Variants in GRID2 observed in about 807,000 individuals in gnomAD.
GRID2 encodes glutamate ionotropic receptor delta type subunit 2, also known as glutamate receptor ionotropic, delta-2.
A neutral mutation model predicts 114.8 loss-of-function variants in GRID2; 33 were observed. The observed-to-expected ratio is 0.29, with a 90% CI of 0.22 to 0.38. The LOEUF is 0.38. GRID2 is among the 10% of genes least tolerant of loss of function. GRID2 has a pLI of 1.00. For missense variants in GRID2, 1,184 were observed against 1,257.7 expected (o/e 0.94, Z 0.89); for synonymous variants, 505 against 449.9 (o/e 1.12, Z -1.55).
At chr4:93,104,302 A>AT (rs1335883543) in intron 3 of GRID2, among the ~76,000 whole-genome samples, 2 of 152,034 alleles carry the variant, frequency 1.3e-5, no homozygotes, top group South Asian at 2.1e-4. Flanking sequence ...TATTAATAGT[A>AT]TTTTTTATTT....
intron 2 of GRID2, among the ~76,000 whole-genome samples, chr4:92,779,461 A>G (rs771874135): frequency 1.7e-4 from 26 of 152,110 alleles, no homozygotes; most frequent in South Asian, 4.1e-4. Flanking sequence ...CAATTTAACT[A>G]AAAGAGCTTA....
At chr4:92,951,242 T>A (rs1009882980) in intron 2 of GRID2, among the ~76,000 whole-genome samples, 1 of 152,116 alleles carries the variant, frequency 6.6e-6, no homozygotes, top group Non-Finnish European at 1.5e-5. Flanking sequence ...GTTTTCTACT[T>A]ATTAAATATC....
At chr4:93,137,908 C>G (rs1201003125) in intron 4 of GRID2, among the ~76,000 whole-genome samples, 1 of 148,676 alleles carries the variant, frequency 6.7e-6, no homozygotes, top group South Asian at 2.2e-4. Flanking sequence ...TTTTGTAATT[C>G]ACATGAAGTT....
chr4:92,977,578 A>G (rs940056633), intron 2 of GRID2, among the ~76,000 whole-genome samples: 1 of 152,178 alleles, frequency 6.6e-6, no homozygotes, highest in African/African-American at 2.4e-5. Flanking sequence ...AGCATACATT[A>G]TCTGATTTGA....
At chr4:93,790,026 T>A (rs1734665582) in intron 1 of GRID2, among the ~76,000 whole-genome samples, 1 of 152,070 alleles carries the variant, frequency 6.6e-6, no homozygotes, top group Admixed American at 6.5e-5. Context: ...GAATCTCATG[T>A]CTGATGATCT....
intron 2 of GRID2, among the ~76,000 whole-genome samples, chr4:92,976,583 A>G (rs944048969): frequency 1.3e-5 from 2 of 152,126 alleles, no homozygotes; most frequent in Non-Finnish European, 2.9e-5. Flanking sequence ...CTGGCACACT[A>G]TTCCCACTTC....
intron 2 of GRID2, among the ~76,000 whole-genome samples, chr4:92,932,615 T>C (rs1440857159): frequency 1.3e-5 from 2 of 151,272 alleles, no homozygotes; most frequent in African/African-American, 4.8e-5. Flanking sequence ...CACAAAACTA[T>C]TCATATAGCA....
intron 2 of GRID2, among the ~76,000 whole-genome samples, chr4:92,619,664 T>C (rs1312204412): frequency 3.3e-5 from 5 of 151,754 alleles, no homozygotes; most frequent in Non-Finnish European, 7.4e-5. Flanking sequence ...AATGCCATGC[T>C]AAAATTCAGT....
At chr4:93,327,778 G>A (rs934250400) in intron 8 of GRID2, among the ~76,000 whole-genome samples, 2 of 151,860 alleles carry the variant, frequency 1.3e-5, no homozygotes, top group African/African-American at 2.4e-5. Context: ...TTCCTTAATG[G>A]GTACAATGTA....
At chr4:92,778,892 T>C (rs1738931923) in intron 2 of GRID2, among the ~76,000 whole-genome samples, 1 of 152,052 alleles carries the variant, frequency 6.6e-6, no homozygotes, top group Non-Finnish European at 1.5e-5. Context: ...CTCTTTATTA[T>C]ATAAAAGAGC....
intron 1 of GRID2, among the ~76,000 whole-genome samples, chr4:92,565,017 A>C (rs1359931536): frequency 1.3e-5 from 2 of 151,838 alleles, no homozygotes; most frequent in Admixed American, 6.6e-5. Context: ...CTGTACCTGG[A>C]TCTGACCTTA....
intron 4 of GRID2, among the ~76,000 whole-genome samples, chr4:93,172,321 G>A (rs919390547): frequency 3.9e-5 from 6 of 152,022 alleles, no homozygotes; most frequent in African/African-American, 1.4e-4. Flanking sequence ...GGCCAGGCGC[G>A]GTGGCTCACA....
intron 8 of GRID2, among the ~76,000 whole-genome samples, chr4:93,336,451 A>C (rs981905122): frequency 1.3e-5 from 2 of 152,182 alleles, no homozygotes; most frequent in African/African-American, 4.8e-5. Context: ...TTCTACAACG[A>C]ATATCTAGGT....
chr4:92,452,278 A>C (rs913988349), intron 1 of GRID2, among the ~76,000 whole-genome samples: 1 of 151,874 alleles, frequency 6.6e-6, no homozygotes, highest in Non-Finnish European at 1.5e-5. Flanking sequence ...CCTTTCTGTC[A>C]TGCTTTGGTT....
intron 2 of GRID2, among the ~76,000 whole-genome samples, chr4:92,759,764 G>A (rs1226901150): frequency 1.3e-5 from 2 of 151,328 alleles, no homozygotes; most frequent in Non-Finnish European, 2.9e-5. Context: ...CCACCATGCC[G>A]GGCTTTTTTT....
At chr4:92,435,760 G>A (rs1732707999) in intron 1 of GRID2, among the ~76,000 whole-genome samples, 1 of 152,190 alleles carries the variant, frequency 6.6e-6, no homozygotes, top group Non-Finnish European at 1.5e-5. Flanking sequence ...TTGTGAGGAA[G>A]AACTCTCTGT....
At chr4:93,070,845 GAT>G (rs1279546393) in intron 2 of GRID2, among the ~76,000 whole-genome samples, 1 of 151,998 alleles carries the variant, frequency 6.6e-6, no homozygotes, top group African/African-American at 2.4e-5. Context: ...GACTGTACTT[GAT>G]ATATCACTAC....
chr4:93,617,873 AAACAGTGACAGC>A (rs1261445297), intron 13 of GRID2, among the ~76,000 whole-genome samples: 5 of 152,174 alleles, frequency 3.3e-5, no homozygotes, highest in African/African-American at 1.2e-4. Flanking sequence ...TCAGGAGGAA[AAACAGTGACAGC>A]AACTGTGGGA....
intron 8 of GRID2, among the ~76,000 whole-genome samples, chr4:93,363,014 G>A (rs1485747261): frequency 6.6e-6 from 1 of 152,168 alleles, no homozygotes; most frequent in Non-Finnish European, 1.5e-5. Context: ...GAGGCCAGGA[G>A]TTCGGGATCA....
Sources: gnomAD v4.1 joint callset for allele counts (sites outside exome capture counted in the v4.1 genomes callset) on GRCh38, gnomAD v4.1.1 for gene constraint, MANE v1.5 for transcripts, NCBI Gene and HGNC (gene_info 2026-07-23, HGNC 2026-07-21) for gene names.